Variants in ADAM28 observed in about 807,000 individuals in gnomAD.
ADAM28 encodes ADAM metallopeptidase domain 28, also known as disintegrin and metalloproteinase domain-containing protein 28.
Under a neutral mutation model 101.2 loss-of-function variants are expected in ADAM28, and 105 were observed. That is an observed-to-expected ratio of 1.04 (90% CI 0.89 to 1.22). ADAM28 has a LOEUF of 1.22. ADAM28 is among the 50% of genes most tolerant of loss of function. The pLI, the probability that ADAM28 is intolerant of heterozygous loss-of-function variation, is 0.00. For synonymous variants in ADAM28, 322 were observed against 310.6 expected (o/e 1.04, Z -0.39); for missense variants, 1,028 against 945.4 (o/e 1.09, Z -1.15).
At chr8:24,333,515 A>T (rs1348128907) in intron 13 of ADAM28, among the ~76,000 whole-genome samples, 1 of 152,224 alleles carries the variant, frequency 6.6e-6, no homozygotes, top group Non-Finnish European at 1.5e-5. Context: ...CAGGCAACAA[A>T]AAAATGTAAA....
At chr8:24,301,262 C>T (rs1808717254) in intron 2 of ADAM28, among the ~76,000 whole-genome samples, 2 of 152,304 alleles carry the variant, frequency 1.3e-5, no homozygotes, top group East Asian at 1.9e-4. Flanking sequence ...GTTTCACTAA[C>T]TTCAGATGGA....
rs150620720 is a variant in ADAM28, at chr8:24,310,187, G to A, written c.252G>A (p.Thr84=). 3.8e-4 allele frequency: 616 copies of A among 1,613,322 alleles called. No individual in the cohort carries two copies. Among genetic ancestry groups the A allele is most frequent in the Non-Finnish European group, 4.6e-4 (542 of 1,179,602 alleles). ...KNKNLLAPGY[T]ETYYNSTGKE... is the part of the protein sequence containing the mutation. Reference sequence around the variant, plus strand: ...GGAACCTCCTTGCACCAGGCTACACGGAAACATATTATAATTCCACTGGAA... The same window carrying A: ...GGAACCTCCTTGCACCAGGCTACACAGAAACATATTATAATTCCACTGGAA... The change falls in exon 4 of 23, where the codon ACG becomes ACA. Residue 84 remains threonine (T), a synonymous_variant. Coordinates refer to ENST00000265769, the MANE Select transcript of ADAM28 (RefSeq NM_014265.6).
At chr8:24,297,285 G>A (rs2129228835) in intron 1 of ADAM28, among the ~76,000 whole-genome samples, 1 of 152,074 alleles carries the variant, frequency 6.6e-6, no homozygotes, top group African/African-American at 2.4e-5. Flanking sequence ...CCATATTTAA[G>A]AGCCAGTTTG....
At chr8:24,318,466 A>G (rs1458538841) in intron 6 of ADAM28, among the ~76,000 whole-genome samples, 1 of 151,872 alleles carries the variant, frequency 6.6e-6, no homozygotes, top group African/African-American at 2.4e-5. Context: ...TTAAATAGGA[A>G]CTGTGCACTA....
chr8:24,295,146 G>A (rs775838523), intron 1 of ADAM28, among the ~76,000 whole-genome samples: 3 of 152,116 alleles, frequency 2.0e-5, no homozygotes, highest in Admixed American at 6.6e-5. Flanking sequence ...TGTCTCACCT[G>A]TTTCTGATTT....
chr8:24,320,125 G>C (rs1012222118), intron 6 of ADAM28, 111 bp from the exon 7 acceptor site: 48 of 745,660 alleles, frequency 6.4e-5, no homozygotes, highest in Middle Eastern at 3.2e-4. Flanking sequence ...AATATTGTCT[G>C]CCTTTACTCC....
intron 8 of ADAM28, chr8:24,321,530 AG>A: frequency 2.0e-6 from 1 of 488,118 alleles, no homozygotes. Context: ...AAGACATAAA[AG>A]CTACATGGGT....
intron 15 of ADAM28, 27 bp downstream of exon 15, chr8:24,339,595 G>T (rs780746938): frequency 2.9e-5 from 46 of 1,564,312 alleles, no homozygotes; most frequent in Middle Eastern, 3.3e-4. Context: ...GAACCTTCCT[G>T]CTTCACAGAC....
In ADAM28 at chr8:24,343,548, A is replaced by T; in HGVS notation, c.1954A>T (p.Ile652Phe). 1 of 1,613,754 alleles carries T rather than the reference A, an allele frequency of 6.2e-7. No homozygotes were observed. Among genetic ancestry groups the T allele is most frequent in the Non-Finnish European group, 8.5e-7 (1 of 1,179,808 alleles). Residue 652 changes from isoleucine (I) to phenylalanine (F), a missense_variant, in exon 18 of 23, where the codon ATC becomes TTC. Coordinates refer to ENST00000265769, the MANE Select transcript of ADAM28 (RefSeq NM_014265.6). ...CCAGTGTCAATGTGAGGAAGGATGG[A>T]TCCCTCCCGACTGCGATGACTCCTC... is the stretch of plus-strand genomic sequence containing the variant. Reference protein sequence around the residue: ...ELQCQCEEGWIPPDCDDSSVV... With the variant: ...ELQCQCEEGWFPPDCDDSSVV...
In ADAM28 at chr8:24,332,784, T is replaced by C. The variant is rs748829667; in HGVS notation, c.1371+35T>C. ...TTTTATTCTATTTTAATAATTATGA[T>C]TACATTTTTATACATTAACATCTCA... On this transcript the variant is annotated intron_variant, in intron 13 of 22. Coordinates refer to ENST00000265769, the MANE Select transcript of ADAM28 (RefSeq NM_014265.6). The C allele has an allele frequency of 5.0e-6, 6 of 1,191,274 alleles. No individual in the cohort carries two copies. The South Asian group carries it at 1.3e-4, about 25-fold the overall frequency. 73.8% of individuals were successfully genotyped at this position (1,191,274 alleles called of 1,614,324 possible).
Position 24,323,897 on chromosome 8 carries a change from A to AAGAT in ADAM28, c.786_789dup (p.Lys264AspfsTer16). 6.2e-7 allele frequency: 1 copy of AAGAT among 1,612,290 alleles called. No individual in the cohort carries two copies. The highest frequency in any genetic ancestry group is 8.5e-7 in the Non-Finnish European group (1 of 1,178,842). On this transcript the variant is annotated frameshift_variant, in exon 9 of 23. Transcript: ENST00000265769. LOFTEE classifies it high-confidence loss of function. ...TATGGAAATCTGGACTGACAAGGATAAGATAAAGATAACCCCAAATGCAAG... is the reference window on the plus strand; with the variant it reads ...TATGGAAATCTGGACTGACAAGGATAAGATAGATAAAGATAACCCCAAATGCAAG...
At chr8:24,303,091 T>C (rs1422637994) in intron 2 of ADAM28, among the ~76,000 whole-genome samples, 2 of 152,078 alleles carry the variant, frequency 1.3e-5, no homozygotes, top group African/African-American at 2.4e-5. Flanking sequence ...ATTCTGTAGG[T>C]TGTCTGTTCA....
intron 4 of ADAM28, 68 bp from the exon 5 acceptor site, chr8:24,311,293 A>C: frequency 8.2e-7 from 1 of 1,217,690 alleles, no homozygotes. Flanking sequence ...TCAAGATTTC[A>C]GATGCGGCTT....
rs1476404145 is a variant in ADAM28 at position 24,294,192 on chromosome 8, G to T, written c.43G>T (p.Ala15Ser). The T allele has an allele frequency of 1.2e-6, 2 of 1,614,094 alleles. No individual in the cohort carries two copies. The highest frequency in any genetic ancestry group is 1.7e-6 in the Non-Finnish European group (2 of 1,179,972). ...LLPVSLLLSV[A>S]VSAIKELPGV... ...GCCAGTCAGTCTCCTCCTCTCTGTT[G>T]CAGGTACATATTTAGCTCTTTTTCA... Residue 15 changes from alanine to serine, a missense_variant, in exon 1 of 23, where the codon GCA becomes TCA. Ala to Ser is a moderately conservative substitution (Grantham distance 99, BLOSUM62 1). Coordinates refer to ENST00000265769, the MANE Select transcript of ADAM28 (RefSeq NM_014265.6).
rs975868844 is a variant in ADAM28, at chr8:24,351,443, G to A, written c.2178+133G>A. 3.1e-6 allele frequency: 3 copies of A among 977,158 alleles called. No individual in the cohort carries two copies. In the African/African-American group the frequency reaches 4.8e-5, roughly 16 times the overall value. The allele number at this position is 977,158 out of a possible 1,614,324, so 60.5% of individuals were successfully genotyped here. A position where few individuals can be genotyped will look rare whatever the true frequency, so the allele number is the denominator to read the frequency against. On this transcript the variant is annotated intron_variant, in intron 20 of 22. Coordinates refer to ENST00000265769, the MANE Select transcript of ADAM28 (RefSeq NM_014265.6). ...TAACACATTCAGAAATGTCTCCTTT[G>A]CCTTTTGTTAAAGGCAAAAGAGTCC...
intron 2 of ADAM28, among the ~76,000 whole-genome samples, chr8:24,304,929 A>AAAG (rs1197951335): frequency 6.7e-6 from 1 of 148,496 alleles, no homozygotes; most frequent in Non-Finnish European, 1.5e-5. Context: ...AAAAAAAAAA[A>AAAG]AATAGATTAT....
chr8:24,336,965 G>A (rs910592148), intron 14 of ADAM28, among the ~76,000 whole-genome samples: 8 of 152,114 alleles, frequency 5.3e-5, no homozygotes, highest in Non-Finnish European at 8.8e-5. Context: ...GGGTCATTGC[G>A]TGCCAGAAAC....
At chr8:24,314,199 CTCTTGATTTTAGCCAAAAAG>C (rs1278304516) in intron 6 of ADAM28, among the ~76,000 whole-genome samples, 2 of 152,128 alleles carry the variant, frequency 1.3e-5, no homozygotes, top group Non-Finnish European at 2.9e-5. Context: ...TATTAATTTA[CTCTTGATTTTAGCCAAAAAG>C]CTATGAAGTG....
chr8:24,304,224 C>T (rs1704395145), intron 2 of ADAM28, among the ~76,000 whole-genome samples: 1 of 148,532 alleles, frequency 6.7e-6, no homozygotes, highest in Non-Finnish European at 1.5e-5. Flanking sequence ...CTGGCTCATA[C>T]TAGATGAACA....
Sources: gnomAD v4.1 joint callset for allele counts (sites outside exome capture counted in the v4.1 genomes callset) on GRCh38, gnomAD v4.1.1 for gene constraint, MANE v1.5 for transcripts, NCBI Gene and HGNC (gene_info 2026-07-23, HGNC 2026-07-21) for gene names.